Variants in MYO10 observed in about 807,000 individuals in gnomAD.
MYO10 encodes unconventional myosin-X.
Under a neutral mutation model 257.3 loss-of-function variants are expected in MYO10, and 133 were observed. That is an observed-to-expected ratio of 0.52 (90% confidence interval 0.45 to 0.60). The LOEUF is 0.60. Among genes scored for constraint, MYO10 ranks in the 20% least tolerant of loss-of-function variants. The pLI is 0.00. For missense variants in MYO10, 2,399 were observed against 2,635.7 expected (o/e 0.91, Z 1.97); for synonymous variants, 1,104 against 1,028.6 (o/e 1.07, Z -1.40).
In MYO10 at chr5:16,783,385, C is replaced by T. The variant is rs769591911; in HGVS notation, c.552G>A (p.Leu184=). 8 of 1,605,324 alleles carry T rather than the reference C, an allele frequency of 5.0e-6. No homozygotes were observed. The highest frequency in any genetic ancestry group is 6.8e-6 in the Non-Finnish European group (8 of 1,175,874). ...LSVISQQSLE[L]SLKEKTSCVE... ...CACAGGATGTCTTCTCCTTTAAGGACAATTCCAAAGACTGTTGACTGATGA... is the reference window on the plus strand; with the variant it reads ...CACAGGATGTCTTCTCCTTTAAGGATAATTCCAAAGACTGTTGACTGATGA... The change falls in exon 5 of 41, where the codon TTG becomes TTA. Residue 184 remains leucine, a synonymous_variant. Coordinates refer to ENST00000513610, the MANE Select transcript of MYO10 (RefSeq NM_012334.3).
intron 2 of MYO10, among the ~76,000 whole-genome samples, chr5:16,861,194 T>C (rs1338971956): frequency 6.7e-6 from 1 of 149,292 alleles, no homozygotes; most frequent in Non-Finnish European, 1.5e-5. Context: ...AGATTGTGAA[T>C]ACAAGACTAG....
chr5:16,863,836 G>A (rs1234616236), intron 2 of MYO10, among the ~76,000 whole-genome samples: 2 of 152,176 alleles, frequency 1.3e-5, no homozygotes, highest in African/African-American at 4.8e-5. Flanking sequence ...GGTGGCTCAT[G>A]CCTGTAATCC....
chr5:16,877,510 G>C (rs1561033329), intron 2 of MYO10, 99 bp downstream of exon 2: 1 of 822,978 alleles, frequency 1.2e-6, no homozygotes, highest in South Asian at 1.6e-5. Context: ...AAAATGTAAA[G>C]CGTGTGTATG....
intron 1 of MYO10, among the ~76,000 whole-genome samples, chr5:16,901,266 G>A (rs547697580): frequency 1.2e-4 from 19 of 152,114 alleles, no homozygotes; most frequent in African/African-American, 3.9e-4. Context: ...AGAGGCCCTC[G>A]CTGGCCTGCT....
chr5:16,926,326 G>T (rs2562363), intron 1 of MYO10, among the ~76,000 whole-genome samples: 68,095 of 151,664 alleles, frequency 0.45, 15,583 homozygotes, highest in African/African-American at 0.52. Flanking sequence ...AATCTAAATA[G>T]TGCTGTATGA....
intron 9 of MYO10, among the ~76,000 whole-genome samples, chr5:16,770,892 C>G (rs909360323): frequency 6.6e-6 from 1 of 152,170 alleles, no homozygotes; most frequent in Non-Finnish European, 1.5e-5. Flanking sequence ...CTTTAGCCTC[C>G]TAAGTAGCAG....
intron 2 of MYO10, among the ~76,000 whole-genome samples, chr5:16,818,748 A>G (rs1342867542): frequency 6.6e-6 from 1 of 151,992 alleles, no homozygotes; most frequent in Non-Finnish European, 1.5e-5. Flanking sequence ...TGTCACCTAT[A>G]TATTTCTAAA....
intron 40 of MYO10, 40 bp from the exon 41 acceptor site, chr5:16,666,833 C>T (rs150189950): frequency 5.5e-5 from 83 of 1,507,036 alleles, no homozygotes; most frequent in Middle Eastern, 5.1e-4. Context: ...CGTCACAAGT[C>T]TCCCCCAGGC....
Position 16,762,603 on chromosome 5 carries a change from CT to C in MYO10, c.1528del (p.Ser510AlafsTer26). ...GCTGTCTGTGGCTTGAGGAAAATGGCTTTCTTCATTGATAAGGGCTAGGAGG... is the reference window on the plus strand; with the variant it reads ...GCTGTCTGTGGCTTGAGGAAAATGGCTTCTTCATTGATAAGGGCTAGGAGG... Reference protein sequence around the residue: ...LGLLALINEESHFPQATDSTL... With the variant: ...LGLLALINEEXHFPQATDSTL... On this transcript the variant is annotated frameshift_variant, in exon 15 of 41. Transcript: ENST00000513610. LOFTEE classifies it high-confidence loss of function. 4 of 1,608,370 alleles carry C rather than the reference CT, an allele frequency of 2.5e-6. No homozygotes were observed. Among genetic ancestry groups the C allele is most frequent in the Non-Finnish European group, 3.4e-6 (4 of 1,177,758 alleles).
At chr5:16,873,543 G>C (rs368686176) in intron 2 of MYO10, among the ~76,000 whole-genome samples, 1 of 152,238 alleles carries the variant, frequency 6.6e-6, no homozygotes, top group Non-Finnish European at 1.5e-5. Context: ...TAGCGACTCT[G>C]TGTGGGGGTT....
chr5:16,708,677 C>CT (rs1738456632), intron 21 of MYO10, among the ~76,000 whole-genome samples: 1 of 152,156 alleles, frequency 6.6e-6, no homozygotes, highest in Admixed American at 6.5e-5. Flanking sequence ...TCCTCCCACT[C>CT]TAGCCACGCG....
intron 31 of MYO10, 54 bp from the exon 32 acceptor site, chr5:16,681,557 A>C: frequency 2.0e-6 from 3 of 1,496,402 alleles, no homozygotes; most frequent in Non-Finnish European, 2.7e-6. Context: ...AACCCCAAAG[A>C]CCACACAATC....
intron 2 of MYO10, among the ~76,000 whole-genome samples, chr5:16,849,298 G>C (rs1221823355): frequency 6.6e-6 from 1 of 152,080 alleles, no homozygotes; most frequent in African/African-American, 2.4e-5. Flanking sequence ...TTTTTCCACA[G>C]GTAACCGAAA....
intron 2 of MYO10, among the ~76,000 whole-genome samples, chr5:16,875,024 G>A (rs1044794485): frequency 1.3e-5 from 2 of 152,162 alleles, no homozygotes; most frequent in African/African-American, 2.4e-5. Context: ...CAGATCTCAT[G>A]AGACTTATTT....
At chr5:16,823,784 C>CG (rs1429391423) in intron 2 of MYO10, among the ~76,000 whole-genome samples, 34 of 126,254 alleles carry the variant, frequency 2.7e-4, no homozygotes, top group African/African-American at 9.6e-4. Context: ...GGGCGGGGGG[C>CG]GGGGGGCGGT....
At chr5:16,911,803 C>A (rs185192935) in intron 1 of MYO10, among the ~76,000 whole-genome samples, 1 of 151,778 alleles carries the variant, frequency 6.6e-6, no homozygotes, top group South Asian at 2.1e-4. Context: ...TTTAGGAGGC[C>A]GAGGTGGGTG....
Position 16,666,414 on chromosome 5 carries a change from G to A in MYO10, c.*278C>T, listed in dbSNP as rs924095825. 5.6e-5 allele frequency: 21 copies of A among 377,260 alleles called. No individual in the cohort carries two copies. In the South Asian group the frequency reaches 1.4e-3, roughly 25 times the overall value. The allele number at this position is 377,260 out of a possible 1,614,324, so 23.4% of individuals were successfully genotyped here. A position where few individuals can be genotyped will look rare whatever the true frequency, so the allele number is the denominator to read the frequency against. Reference sequence around the variant, plus strand: ...AGTTAAGGCACTTCCGGCTGCTTTGGTGGCAGCGTGGTTCCTCCCCTCCTT... The same window carrying A: ...AGTTAAGGCACTTCCGGCTGCTTTGATGGCAGCGTGGTTCCTCCCCTCCTT... On this transcript the variant is annotated 3_prime_UTR_variant, in exon 41 of 41. Transcript: ENST00000513610.
Position 16,856,231 on chromosome 5 carries a change from T to C in MYO10, c.120+21378A>G, listed in dbSNP as rs978614074. On this transcript the variant is annotated intron_variant, in intron 2 of 40. Coordinates refer to ENST00000513610, the MANE Select transcript of MYO10 (RefSeq NM_012334.3). ...CTCATCTTTAACAAGTTCAGGAAAA[T>C]GTGTCAACACAGATATTTGCAAATT... 2.0e-5 allele frequency among the ~76,000 whole-genome samples: 3 copies of C among 152,258 alleles called. No individual in the cohort carries two copies. In the South Asian group the frequency reaches 6.2e-4, roughly 32 times the overall value.
intron 1 of MYO10, among the ~76,000 whole-genome samples, chr5:16,895,816 T>A (rs1745202552): frequency 7.1e-6 from 1 of 140,380 alleles, no homozygotes; most frequent in Admixed American, 7.1e-5. Flanking sequence ...TGCCACCTGG[T>A]AAAAAGCCAA....
Sources: gnomAD v4.1 joint callset for allele counts (sites outside exome capture counted in the v4.1 genomes callset) on GRCh38, gnomAD v4.1.1 for gene constraint, MANE v1.5 for transcripts, NCBI Gene and HGNC (gene_info 2026-07-23, HGNC 2026-07-21) for gene names.